The following DRC11 variants were observed in gnomAD, a reference collection of about 807,000 sequenced individuals.
DRC11 encodes IQ and AAA domain-containing protein 1.
the DRC11 span, among the ~76,000 whole-genome samples, chr2:236,442,468 C>T: frequency 1.3e-5 from 2 of 152,214 alleles, no homozygotes; most frequent in Non-Finnish European, 2.9e-5. Context: ...TTTGATACTA[C>T]ACCACAGCTA....
At chr2:236,383,687 A>C in the DRC11 span, among the ~76,000 whole-genome samples, 1 of 126,764 alleles carries the variant, frequency 7.9e-6, no homozygotes, top group African/African-American at 2.9e-5. Context: ...ATTATACTTT[A>C]AGTTTTAGGG....
At chr2:236,457,200 A>G in the DRC11 span, among the ~76,000 whole-genome samples, 1 of 152,376 alleles carries the variant, frequency 6.6e-6, no homozygotes, top group East Asian at 1.9e-4. This position sits in a 1 kb window ranked among gnomAD's most constrained non-coding sequence, Gnocchi z 4.7. Context: ...GCTTTGTCCA[A>G]TATGGGAGCC....
the DRC11 span, among the ~76,000 whole-genome samples, chr2:236,315,147 C>T: frequency 6.6e-6 from 1 of 152,160 alleles, no homozygotes; most frequent in Non-Finnish European, 1.5e-5. This position sits in a 1 kb window ranked among gnomAD's most constrained non-coding sequence, Gnocchi z 5.1. Flanking sequence ...TACATAAACA[C>T]TTGTTTTCAT....
At chr2:236,407,395 G>C in the DRC11 span, among the ~76,000 whole-genome samples, 1 of 152,000 alleles carries the variant, frequency 6.6e-6, no homozygotes, top group South Asian at 2.1e-4. Flanking sequence ...CCTCAGACTT[G>C]GGCTGGAGTC....
chr2:236,351,668 G>A, the DRC11 span, among the ~76,000 whole-genome samples: 1 of 152,108 alleles, frequency 6.6e-6, no homozygotes, highest in Non-Finnish European at 1.5e-5. The surrounding 1 kb of genome is among the most constrained non-coding windows in gnomAD (Gnocchi z 7.3). Flanking sequence ...GCCTTGGGGA[G>A]CAGGCAGGTG....
chr2:236,485,525 T>C, the DRC11 span, among the ~76,000 whole-genome samples: 121 of 152,296 alleles, frequency 7.9e-4, 2 homozygotes, highest in South Asian at 0.025. Context: ...CTTTGTTTCT[T>C]TTCTTTTTAA....
At chr2:236,350,797 C>T in the DRC11 span, among the ~76,000 whole-genome samples, 1 of 152,212 alleles carries the variant, frequency 6.6e-6, no homozygotes, top group Non-Finnish European at 1.5e-5. The surrounding 1 kb of genome is among the most constrained non-coding windows in gnomAD (Gnocchi z 5.2). Context: ...CCATCACTGT[C>T]TTGCCCTCCA....
At chr2:236,414,971 C>T in the DRC11 span, among the ~76,000 whole-genome samples, 4 of 152,246 alleles carry the variant, frequency 2.6e-5, no homozygotes, top group African/African-American at 7.2e-5. Flanking sequence ...GAAATTCAAC[C>T]GAAACATTCA....
the DRC11 span, chr2:236,408,361 T>G: frequency 5.3e-6 from 4 of 760,540 alleles, no homozygotes; most frequent in Non-Finnish European, 9.8e-6. The surrounding 1 kb of genome is among the most constrained non-coding windows in gnomAD (Gnocchi z 5.5). Flanking sequence ...GGGTAGCTTC[T>G]TGGTGTGTCA....
the DRC11 span, chr2:236,497,567 G>C: frequency 1.0e-6 from 1 of 964,864 alleles, no homozygotes; most frequent in East Asian, 2.6e-5. This position sits in a 1 kb window ranked among gnomAD's most constrained non-coding sequence, Gnocchi z 5.1. Flanking sequence ...CTCTGGTATA[G>C]CAAAATATAA....
the DRC11 span, among the ~76,000 whole-genome samples, chr2:236,455,380 C>T: frequency 8.8e-3 from 1,346 of 152,306 alleles, 19 homozygotes; most frequent in African/African-American, 0.031. This position sits in a 1 kb window ranked among gnomAD's most constrained non-coding sequence, Gnocchi z 5.7. Context: ...GTGCTGTGCC[C>T]TTGCCTGGCA....
chr2:236,435,586 T>TA, the DRC11 span, among the ~76,000 whole-genome samples: 1 of 152,296 alleles, frequency 6.6e-6, no homozygotes, highest in South Asian at 2.1e-4. Flanking sequence ...AAGCATGTCT[T>TA]ACATGGTGGT....
At chr2:236,389,206 G>A in the DRC11 span, among the ~76,000 whole-genome samples, 14 of 152,278 alleles carry the variant, frequency 9.2e-5, no homozygotes, top group East Asian at 1.5e-3. Context: ...CGAGCTTCCC[G>A]GCTGCTTTGT....
the DRC11 span, among the ~76,000 whole-genome samples, chr2:236,376,362 T>C: frequency 6.6e-6 from 1 of 152,162 alleles, no homozygotes; most frequent in Non-Finnish European, 1.5e-5. The surrounding 1 kb of genome is among the most constrained non-coding windows in gnomAD (Gnocchi z 5.7). Flanking sequence ...GGATTTTGGA[T>C]GGAGAAAGAC....
chr2:236,470,620 A>G, the DRC11 span, among the ~76,000 whole-genome samples: 1 of 152,170 alleles, frequency 6.6e-6, no homozygotes, highest in South Asian at 2.1e-4. The surrounding 1 kb of genome is among the most constrained non-coding windows in gnomAD (Gnocchi z 5.1). Flanking sequence ...AAAATCAGCC[A>G]TTTTGTTTCA....
At chr2:236,376,429 A>G in the DRC11 span, among the ~76,000 whole-genome samples, 2 of 152,224 alleles carry the variant, frequency 1.3e-5, no homozygotes, top group African/African-American at 2.4e-5. This position sits in a 1 kb window ranked among gnomAD's most constrained non-coding sequence, Gnocchi z 5.7. Flanking sequence ...TTCACTGTAT[A>G]TTAGGTAACA....
chr2:236,341,384 G>T, the DRC11 span, among the ~76,000 whole-genome samples: 1 of 152,220 alleles, frequency 6.6e-6, no homozygotes, highest in East Asian at 1.9e-4. Flanking sequence ...GAAAGGAGCG[G>T]GCCTGGTCCA....
chr2:236,503,741 A>G, the DRC11 span: 1 of 1,518,834 alleles, frequency 6.6e-7, no homozygotes, highest in Admixed American at 2.0e-5. This position sits in a 1 kb window ranked among gnomAD's most constrained non-coding sequence, Gnocchi z 4.9. Context: ...TCTCCACGTG[A>G]CCACACCCCC....
chr2:236,319,614 T>C, the DRC11 span, among the ~76,000 whole-genome samples: 1 of 152,190 alleles, frequency 6.6e-6, no homozygotes, highest in Non-Finnish European at 1.5e-5. This position sits in a 1 kb window ranked among gnomAD's most constrained non-coding sequence, Gnocchi z 6.7. Context: ...CCTGCACTCC[T>C]GGGTTCCCAA....
Sources: gnomAD v4.1 joint callset for allele counts (sites outside exome capture counted in the v4.1 genomes callset) on GRCh38, gnomAD v4.1.1 for gene constraint, Gnocchi (gnomAD v3.1) non-coding constraint, MANE v1.5 for transcripts, NCBI Gene and HGNC (gene_info 2026-07-23, HGNC 2026-07-21) for gene names.